TIA1: variants seen among roughly 807,000 people sequenced by gnomAD.
TIA1 encodes the protein TIA1 cytotoxic granule associated RNA binding protein.
A neutral mutation model predicts 65.9 loss-of-function variants in TIA1; 23 were observed. That is an observed-to-expected ratio of 0.35 (90% confidence interval 0.25 to 0.49). The LOEUF is 0.49. Ranked by LOEUF, TIA1 falls within the 20% of genes least tolerant of loss-of-function variation. The pLI is 0.98. For synonymous variants in TIA1, 147 were observed against 149.4 expected (o/e 0.98, Z 0.12); for missense variants, 371 against 477.9 (o/e 0.78, Z 2.09).
At chr2:70,224,471 C>A in intron 7 of TIA1, 83 bp downstream of exon 7, 2 of 1,573,032 alleles carry the variant, frequency 1.3e-6, no homozygotes, top group Non-Finnish European at 1.7e-6. Flanking sequence ...AAACAGCAGA[C>A]GAAAAAAAGA....
At chr2:70,221,765 A>G (rs1250930440) in intron 7 of TIA1, among the ~76,000 whole-genome samples, 1 of 151,884 alleles carries the variant, frequency 6.6e-6, no homozygotes, top group Admixed American at 6.6e-5. Flanking sequence ...TGAATTACCT[A>G]GAAACCACTG....
chr2:70,218,233 G>C (rs1679537654), intron 7 of TIA1, among the ~76,000 whole-genome samples: 1 of 152,216 alleles, frequency 6.6e-6, no homozygotes, highest in Non-Finnish European at 1.5e-5. Flanking sequence ...ATAGGAGATA[G>C]CCAAGTCAAA....
intron 6 of TIA1, among the ~76,000 whole-genome samples, chr2:70,226,545 C>T (rs1387931136): frequency 6.6e-6 from 1 of 151,980 alleles, no homozygotes; most frequent in East Asian, 1.9e-4. Flanking sequence ...CTTCTTTATC[C>T]TTTTATGGTT....
chr2:70,221,603 A>G (rs938530739), intron 7 of TIA1, among the ~76,000 whole-genome samples: 2 of 152,158 alleles, frequency 1.3e-5, no homozygotes, highest in Non-Finnish European at 2.9e-5. Flanking sequence ...AGAACAGGGA[A>G]ATCTACAGAG....
At chr2:70,227,707 A>G (rs372771059) in intron 6 of TIA1, 28 bp downstream of exon 6, 5 of 1,445,124 alleles carry the variant, frequency 3.5e-6, no homozygotes, top group Admixed American at 3.9e-5. Context: ...TCTAATTAAA[A>G]GGATTTTATT....
At chr2:70,241,198 G>C (rs1691532864) in intron 1 of TIA1, among the ~76,000 whole-genome samples, 1 of 152,120 alleles carries the variant, frequency 6.6e-6, no homozygotes, top group African/African-American at 2.4e-5. Context: ...TGTAATCCTA[G>C]CACTTTGGGA....
At chr2:70,223,844 G>C (rs1287166816) in intron 7 of TIA1, among the ~76,000 whole-genome samples, 2 of 152,136 alleles carry the variant, frequency 1.3e-5, no homozygotes, top group Non-Finnish European at 2.9e-5. Flanking sequence ...CCAAAGTGCT[G>C]AGGTTATAGG....
rs1451522310 is a variant in TIA1 at position 70,209,755 on chromosome 2, C to T, written c.*2964G>A. The T allele has an allele frequency of 2.5e-6, 1 of 398,246 alleles. No homozygotes were observed. Among genetic ancestry groups the T allele is most frequent in the Non-Finnish European group, 4.4e-6 (1 of 225,904 alleles). The allele number at this position is 398,246 out of a possible 1,614,324, so 24.7% of individuals were successfully genotyped here. A position where few individuals can be genotyped will look rare whatever the true frequency, so the allele number is the denominator to read the frequency against. On this transcript the variant is annotated 3_prime_UTR_variant, in exon 13 of 13. Coordinates refer to ENST00000433529, the MANE Select transcript of TIA1 (RefSeq NM_022173.4). ...TTTTTTTTAAAGAAATCATCACTCTCATTTGAAAGGTTTGCTTTCTTATTT... is the reference window on the plus strand; with the variant it reads ...TTTTTTTTAAAGAAATCATCACTCTTATTTGAAAGGTTTGCTTTCTTATTT...
At chr2:70,224,799 A>G (rs1683096124) in intron 6 of TIA1, 170 bp from the exon 7 acceptor site, 1 of 1,393,374 alleles carries the variant, frequency 7.2e-7, no homozygotes, top group African/African-American at 1.4e-5. Context: ...ATGAGGCTTA[A>G]TTTTATAGAC....
rs1464084617 is a variant in TIA1 at position 70,224,613 on chromosome 2, T to C, written c.415A>G (p.Lys139Glu). The C allele has an allele frequency of 6.2e-7, 1 of 1,613,798 alleles. No individual in the cohort carries two copies. The highest frequency in any genetic ancestry group is 8.5e-7 in the Non-Finnish European group (1 of 1,179,910). ...FGRISDARVV[K>E]DMATGKSKGY... is the part of the protein sequence containing the mutation. ...TTAGACTTTCCTGTTGCCATGTCTTTTACCACTCGGGCATCTCTGAAATCA... is the reference window on the plus strand; with the variant it reads ...TTAGACTTTCCTGTTGCCATGTCTTCTACCACTCGGGCATCTCTGAAATCA... The change falls in exon 7 of 13, where the codon AAA (lysine) becomes GAA (glutamate). Residue 139 changes from lysine to glutamate, a missense_variant. Lys to Glu is a moderately conservative substitution (Grantham distance 56). Coordinates refer to ENST00000433529, the MANE Select transcript of TIA1 (RefSeq NM_022173.4).
intron 7 of TIA1, among the ~76,000 whole-genome samples, chr2:70,221,152 G>A (rs865805073): frequency 6.6e-5 from 10 of 152,152 alleles, no homozygotes; most frequent in South Asian, 6.2e-4. Context: ...GATTACAGGC[G>A]TGTGCCACCA....
chr2:70,219,814 C>T (rs945583231), intron 7 of TIA1, among the ~76,000 whole-genome samples: 1 of 148,514 alleles, frequency 6.7e-6, no homozygotes, highest in Non-Finnish European at 1.5e-5. Context: ...TGGGCTCAAG[C>T]AGTCCTCCTC....
At chr2:70,244,857 AG>A (rs1558977149) in intron 1 of TIA1, among the ~76,000 whole-genome samples, 30 of 149,256 alleles carry the variant, frequency 2.0e-4, no homozygotes, top group African/African-American at 7.5e-4. Flanking sequence ...AAAAAAAAAA[AG>A]ATAGGTCTGA....
chr2:70,247,578 T>C (rs904536665), intron 1 of TIA1, among the ~76,000 whole-genome samples: 11 of 151,822 alleles, frequency 7.2e-5, no homozygotes, highest in African/African-American at 2.2e-4. Context: ...AAGAACGCAG[T>C]TGGGGAAGCC....
chr2:70,226,559 T>C (rs911069812), intron 6 of TIA1, among the ~76,000 whole-genome samples: 6 of 152,162 alleles, frequency 3.9e-5, no homozygotes, highest in Non-Finnish European at 8.8e-5. Context: ...TATGGTTCTA[T>C]GACTACTCTG....
At chr2:70,230,992 A>C (rs1295434888) in intron 2 of TIA1, 138 bp from the exon 3 acceptor site, 1 of 591,602 alleles carries the variant, frequency 1.7e-6, no homozygotes, top group East Asian at 3.2e-5. Flanking sequence ...TCTATTCCAC[A>C]AGTAAATTTT....
At chr2:70,239,465 G>T (rs1172608020) in intron 1 of TIA1, among the ~76,000 whole-genome samples, 1 of 152,150 alleles carries the variant, frequency 6.6e-6, no homozygotes, top group Non-Finnish European at 1.5e-5. Context: ...TACAGAGTTA[G>T]AGGTTTATCA....
At chr2:70,242,961 T>C (rs1692576564) in intron 1 of TIA1, among the ~76,000 whole-genome samples, 1 of 152,226 alleles carries the variant, frequency 6.6e-6, no homozygotes, top group African/African-American at 2.4e-5. Flanking sequence ...GAACACTGCC[T>C]GGAACATTGC....
intron 2 of TIA1, among the ~76,000 whole-genome samples, chr2:70,231,588 T>C (rs1686322963): frequency 1.3e-5 from 2 of 152,206 alleles, no homozygotes; most frequent in Non-Finnish European, 2.9e-5. Flanking sequence ...TACCCCATCA[T>C]CATATAACCA....
Sources: gnomAD v4.1 joint callset for allele counts (sites outside exome capture counted in the v4.1 genomes callset) on GRCh38, gnomAD v4.1.1 for gene constraint, MANE v1.5 for transcripts, NCBI Gene and HGNC (gene_info 2026-07-23, HGNC 2026-07-21) for gene names.